WDR49: variants seen among roughly 807,000 people sequenced by gnomAD.
The protein encoded by WDR49 is cilia- and flagella-associated protein 337.
In WDR49, 107 loss-of-function variants were observed where a neutral mutation model predicts 119.5. The ratio of observed to expected loss-of-function variants is 0.90; its 90% CI spans 0.77 to 1.05. The LOEUF (loss-of-function observed/expected upper bound fraction) is 1.05, where lower values mean the gene tolerates loss of function less well. Among genes scored for constraint, WDR49 ranks in the 50% least tolerant of loss-of-function variants. The pLI is 0.00. For synonymous variants in WDR49, 425 were observed against 418.8 expected (o/e 1.01, Z -0.18); for missense variants, 1,240 against 1,220.5 (o/e 1.02, Z -0.24).
At chr3:167,578,313 G>A (rs1440539200) in intron 7 of WDR49, among the ~76,000 whole-genome samples, 1 of 152,100 alleles carries the variant, frequency 6.6e-6, no homozygotes, top group East Asian at 1.9e-4. Flanking sequence ...AATAGCACCA[G>A]AGGGCTTTTA....
intron 18 of WDR49, among the ~76,000 whole-genome samples, chr3:167,481,592 C>T (rs1041336288): frequency 5.3e-5 from 8 of 152,210 alleles, no homozygotes; most frequent in Non-Finnish European, 1.0e-4. Context: ...TATTAATTCG[C>T]TTTCACACTG....
At chr3:167,514,932 G>A (rs1752142486) in intron 16 of WDR49, among the ~76,000 whole-genome samples, 1 of 152,076 alleles carries the variant, frequency 6.6e-6, no homozygotes. Flanking sequence ...GACTGAACCA[G>A]GAAGAAGTTG....
chr3:167,575,891 G>A, intron 8 of WDR49, 27 bp downstream of exon 8: 1 of 1,604,258 alleles, frequency 6.2e-7, no homozygotes, highest in African/African-American at 1.3e-5. Flanking sequence ...TATGTTAGGA[G>A]AGTGAAAGAA....
chr3:167,553,580 G>T (rs1712709080), intron 10 of WDR49, among the ~76,000 whole-genome samples: 1 of 152,010 alleles, frequency 6.6e-6, no homozygotes, highest in African/African-American at 2.4e-5. Context: ...AACTTAAATT[G>T]GATCAGCTGG....
chr3:167,579,438 A>T (rs1429590499), intron 7 of WDR49, among the ~76,000 whole-genome samples: 1 of 152,174 alleles, frequency 6.6e-6, no homozygotes, highest in Non-Finnish European at 1.5e-5. Context: ...GGGACTTTTT[A>T]AAATATCTTA....
chr3:167,554,160 T>C (rs1712766764), intron 10 of WDR49, among the ~76,000 whole-genome samples: 1 of 152,122 alleles, frequency 6.6e-6, no homozygotes, highest in Non-Finnish European at 1.5e-5. Context: ...ATTTTCCTTC[T>C]AATGAAATGG....
chr3:167,529,391 T>G (rs1752762810), intron 13 of WDR49, 152 bp from the exon 14 acceptor site: 3 of 642,738 alleles, frequency 4.7e-6, no homozygotes, highest in Non-Finnish European at 7.6e-6. Flanking sequence ...TTCTCAAATA[T>G]AAAATGGAGG....
At chr3:167,643,224 G>T (rs1471569202) in intron 2 of WDR49, among the ~76,000 whole-genome samples, 1 of 151,926 alleles carries the variant, frequency 6.6e-6, no homozygotes, top group East Asian at 1.9e-4. Flanking sequence ...TTCAATCAAG[G>T]GACCCAACGT....
chr3:167,610,853 T>G (rs1158978091), intron 5 of WDR49, among the ~76,000 whole-genome samples: 1 of 152,224 alleles, frequency 6.6e-6, no homozygotes, highest in Non-Finnish European at 1.5e-5. Flanking sequence ...AGAGAGACTT[T>G]GCATGTTTGG....
At chr3:167,530,979 G>T (rs1056195402) in intron 13 of WDR49, 136 bp downstream of exon 13, 4 of 868,852 alleles carry the variant, frequency 4.6e-6, no homozygotes, top group Non-Finnish European at 6.8e-6. Context: ...CTTTGCCATG[G>T]TCTGTGACCT....
At chr3:167,602,082 T>G in intron 7 of WDR49, 45 bp downstream of exon 7, 5 of 1,538,362 alleles carry the variant, frequency 3.3e-6, no homozygotes, top group Non-Finnish European at 4.4e-6. Context: ...TGGGTAGGAA[T>G]CGGGGAAGCA....
Position 167,651,965 on chromosome 3 carries a change from C to A in WDR49, c.165+1296G>T, listed in dbSNP as rs12637063. Among the ~76,000 whole-genome samples, 293 of 152,206 alleles carry A rather than the reference C, an allele frequency of 1.9e-3. 13 individuals carry two copies. The East Asian group carries it at 0.054, about 28-fold the overall frequency. On this transcript the variant is annotated intron_variant, in intron 2 of 18. Transcript: ENST00000682715. ...TGTTCTTAGCACCGGAACAAAACTG[C>A]CACATTTCTGTTCACTATAGAGTCA...
chr3:167,638,767 C>A (rs1717737183), intron 2 of WDR49, among the ~76,000 whole-genome samples: 1 of 151,454 alleles, frequency 6.6e-6, no homozygotes, highest in South Asian at 2.1e-4. Flanking sequence ...TTCATTTATA[C>A]TATATTATCA....
chr3:167,629,814 A>G (rs1040427113), intron 2 of WDR49, among the ~76,000 whole-genome samples: 8 of 152,120 alleles, frequency 5.3e-5, no homozygotes, highest in Non-Finnish European at 1.2e-4. Flanking sequence ...TGTGGTAGAA[A>G]TGACAAGAGA....
At chr3:167,565,396 C>CAT (rs1223497045) in intron 8 of WDR49, among the ~76,000 whole-genome samples, 2 of 140,034 alleles carry the variant, frequency 1.4e-5, no homozygotes, top group African/African-American at 5.4e-5. Context: ...CACACACACA[C>CAT]ACACACACAC....
At chr3:167,493,502 C>T (rs925593513) in intron 18 of WDR49, among the ~76,000 whole-genome samples, 5 of 152,108 alleles carry the variant, frequency 3.3e-5, no homozygotes, top group African/African-American at 9.7e-5. Context: ...ACAGCATCTC[C>T]GTGGGTTTGC....
At chr3:167,528,965 G>T in intron 14 of WDR49, 87 bp downstream of exon 14, 1 of 1,130,460 alleles carries the variant, frequency 8.8e-7, no homozygotes, top group Non-Finnish European at 1.2e-6. Context: ...CTTTGTTTAG[G>T]AGACAGACAA....
chr3:167,539,032 T>C (rs2108250893), intron 10 of WDR49, among the ~76,000 whole-genome samples: 1 of 152,256 alleles, frequency 6.6e-6, no homozygotes, highest in South Asian at 2.1e-4. Context: ...CAGTTATATA[T>C]GAATATCCAA....
chr3:167,510,528 T>C (rs568831157), intron 16 of WDR49, among the ~76,000 whole-genome samples: 2 of 152,144 alleles, frequency 1.3e-5, no homozygotes, highest in Non-Finnish European at 2.9e-5. Context: ...ATATCAATTG[T>C]TAACTTAGAA....
Sources: allele counts gnomAD v4.1 joint callset (sites outside exome capture counted in the v4.1 genomes callset), GRCh38; gene constraint gnomAD v4.1.1; transcripts MANE v1.5; gene names NCBI Gene and HGNC (gene_info 2026-07-23, HGNC 2026-07-21).